Variants in MMP26 observed in about 807,000 individuals in gnomAD.
MMP26 encodes the protein matrix metallopeptidase 26, also known as matrix metalloproteinase-26.
MMP26 carries 33 observed loss-of-function variants against 31.0 expected under a neutral mutation model. The observed-to-expected ratio is 1.06, with a 90% CI of 0.81 to 1.42. MMP26 has a LOEUF of 1.42. Among genes scored for constraint, MMP26 ranks in the 40% most tolerant of loss-of-function variants. The pLI, the probability that MMP26 is intolerant of heterozygous loss-of-function variation, is 0.00. For missense variants in MMP26, 347 were observed against 316.1 expected (o/e 1.10, Z -0.74); for synonymous variants, 122 against 114.9 (o/e 1.06, Z -0.40).
chr11:4,745,344 TTTGGAAA>T, intron 1 of MMP26, among the ~76,000 whole-genome samples: 1 of 152,250 alleles, frequency 6.6e-6, no homozygotes. Flanking sequence ...TCAGGTATAC[TTTGGAAA>T]TCTTACTATA....
intron 2 of MMP26, chr11:4,882,274 C>G: frequency 6.2e-7 from 1 of 1,613,978 alleles, no homozygotes; most frequent in African/African-American, 1.3e-5. Context: ...TTGACCGCTT[C>G]GTGGCTATCT....
intron 2 of MMP26, among the ~76,000 whole-genome samples, chr11:4,974,238 G>A (rs779206313): frequency 7.3e-5 from 11 of 151,466 alleles, no homozygotes; most frequent in South Asian, 4.2e-4. Flanking sequence ...TTAATATAAC[G>A]TTGCAATATA....
chr11:4,780,073 C>T (rs193228889), intron 2 of MMP26, among the ~76,000 whole-genome samples: 1 of 152,202 alleles, frequency 6.6e-6, no homozygotes, highest in East Asian at 1.9e-4. Flanking sequence ...GGGTATACAT[C>T]AACTTATTAG....
intron 1 of MMP26, among the ~76,000 whole-genome samples, chr11:4,750,261 CA>C (rs934191279): frequency 6.6e-6 from 1 of 151,872 alleles, no homozygotes; most frequent in Non-Finnish European, 1.5e-5. Context: ...ATTAAAATGT[CA>C]AAAAATAACA....
chr11:4,858,235 G>T (rs1394520274), intron 2 of MMP26, among the ~76,000 whole-genome samples: 1 of 152,056 alleles, frequency 6.6e-6, no homozygotes, highest in African/African-American at 2.4e-5. Context: ...GGGCAATCAA[G>T]CAGGAGAAAG....
chr11:4,805,867 C>T (rs759532814), intron 2 of MMP26, among the ~76,000 whole-genome samples: 1 of 152,114 alleles, frequency 6.6e-6, no homozygotes, highest in African/African-American at 2.4e-5. Flanking sequence ...ATCTCAGAAT[C>T]GATGGCACAA....
At chr11:4,901,104 A>G (rs1235875174) in intron 2 of MMP26, among the ~76,000 whole-genome samples, 5 of 149,366 alleles carry the variant, frequency 3.3e-5, no homozygotes, top group Non-Finnish European at 5.9e-5. Flanking sequence ...CCACATTGCA[A>G]TAGTAGTGCA....
At chr11:4,770,188 G>T (rs528911585) in intron 2 of MMP26, among the ~76,000 whole-genome samples, 25 of 152,248 alleles carry the variant, frequency 1.6e-4, no homozygotes, top group South Asian at 2.1e-4. Context: ...TTTCATGATA[G>T]TGTCCATTTA....
At chr11:4,837,165 A>T (rs547581345) in intron 2 of MMP26, among the ~76,000 whole-genome samples, 1 of 152,060 alleles carries the variant, frequency 6.6e-6, no homozygotes, top group Non-Finnish European at 1.5e-5. Flanking sequence ...CTATTTTGTC[A>T]TTATTTTTAA....
intron 2 of MMP26, chr11:4,821,651 T>A (rs765693107): frequency 1.2e-6 from 2 of 1,614,128 alleles, no homozygotes; most frequent in East Asian, 4.5e-5. Context: ...AGCTTGTCCC[T>A]GTGTACACTT....
chr11:4,732,728 G>A (rs1278211439), intron 1 of MMP26, among the ~76,000 whole-genome samples: 1 of 152,102 alleles, frequency 6.6e-6, no homozygotes. Flanking sequence ...TTGGGCATTT[G>A]TGACTGGCTT....
At chr11:4,860,222 C>G (rs959415679) in intron 2 of MMP26, 5 of 471,042 alleles carry the variant, frequency 1.1e-5, no homozygotes, top group African/African-American at 1.0e-4. Context: ...ACTAGGACTC[C>G]TGATTCTACT....
chr11:4,724,281 AG>A (rs1248672457), intron 1 of MMP26: 5 of 359,994 alleles, frequency 1.4e-5, no homozygotes, highest in Non-Finnish European at 2.6e-5. Flanking sequence ...TTAAAACCCC[AG>A]GAAAAGCAGG....
At chr11:4,911,745 G>A (rs926259085) in intron 2 of MMP26, among the ~76,000 whole-genome samples, 5 of 151,970 alleles carry the variant, frequency 3.3e-5, no homozygotes, top group Admixed American at 2.6e-4. Flanking sequence ...CCATTCAATC[G>A]CTCTCAACCC....
intron 2 of MMP26, chr11:4,882,793 C>G (rs913006089): frequency 1.9e-6 from 3 of 1,613,864 alleles, no homozygotes; most frequent in African/African-American, 1.3e-5. Context: ...GCTTGAAGAC[C>G]AAGACAATCC....
intron 2 of MMP26, among the ~76,000 whole-genome samples, chr11:4,956,809 C>A (rs908913050): frequency 3.3e-5 from 5 of 152,096 alleles, no homozygotes; most frequent in African/African-American, 1.2e-4. Context: ...CAGTAATAAG[C>A]CTTTAAGAAT....
chr11:4,781,259 G>A (rs1589898597), intron 2 of MMP26, among the ~76,000 whole-genome samples: 2 of 152,254 alleles, frequency 1.3e-5, no homozygotes, highest in African/African-American at 4.8e-5. Context: ...GTTAATTATT[G>A]TATGTATAAT....
At chr11:4,859,111 TA>T (rs1252468665) in intron 2 of MMP26, among the ~76,000 whole-genome samples, 1 of 152,116 alleles carries the variant, frequency 6.6e-6, no homozygotes, top group Non-Finnish European at 1.5e-5. Flanking sequence ...ACTAAAACCA[TA>T]AAAACCCTAG....
intron 1 of MMP26, chr11:4,756,608 G>A (rs1342276506): frequency 2.0e-5 from 3 of 152,020 alleles, no homozygotes; most frequent in Non-Finnish European, 4.4e-5. Context: ...TGGCATTCAT[G>A]ACGCAGAAAG....
Sources: allele counts gnomAD v4.1 joint callset (sites outside exome capture counted in the v4.1 genomes callset), GRCh38; gene constraint gnomAD v4.1.1; transcripts MANE v1.5; gene names NCBI Gene and HGNC (gene_info 2026-07-23, HGNC 2026-07-21).